HDAC9: variants seen among roughly 807,000 people sequenced by gnomAD.
HDAC9 encodes the protein MEF-2 interacting transcription repressor (MITR) protein.
HDAC9 carries 41 observed loss-of-function variants against 139.4 expected under a neutral mutation model. The ratio of observed to expected loss-of-function variants is 0.29; its 90% CI spans 0.23 to 0.38. The LOEUF (loss-of-function observed/expected upper bound fraction) is 0.38. Ranked by LOEUF, HDAC9 falls within the 10% of genes least tolerant of loss-of-function variation. HDAC9 has a pLI of 1.00. For missense variants in HDAC9, 1,147 were observed against 1,297.0 expected (o/e 0.88, Z 1.78); for synonymous variants, 517 against 476.2 (o/e 1.09, Z -1.12).
intron 1 of HDAC9, among the ~76,000 whole-genome samples, chr7:18,111,902 A>G (rs1783644867): frequency 6.6e-6 from 1 of 152,186 alleles, no homozygotes; most frequent in South Asian, 2.1e-4. Context: ...GTGTATGTAC[A>G]AGCTGTATTT....
At chr7:18,333,789 T>C (rs773467410) in intron 1 of HDAC9, among the ~76,000 whole-genome samples, 3 of 151,440 alleles carry the variant, frequency 2.0e-5, no homozygotes, top group Non-Finnish European at 3.0e-5. Flanking sequence ...AAATATAAAG[T>C]TAAAGAATCA....
intron 8 of HDAC9, among the ~76,000 whole-genome samples, chr7:18,640,617 G>C (rs1228367011): frequency 6.6e-6 from 1 of 151,114 alleles, no homozygotes; most frequent in African/African-American, 2.4e-5. Context: ...CCGTGTTCTT[G>C]TTTATATGAA....
chr7:18,744,798 C>G (rs1037424181), intron 13 of HDAC9, among the ~76,000 whole-genome samples: 1 of 151,946 alleles, frequency 6.6e-6, no homozygotes, highest in Admixed American at 6.6e-5. Context: ...AGAGAAAGCA[C>G]AAAGTCCAAG....
intron 1 of HDAC9, among the ~76,000 whole-genome samples, chr7:18,312,048 G>A (rs992778691): frequency 2.6e-5 from 4 of 152,170 alleles, no homozygotes; most frequent in Non-Finnish European, 4.4e-5. Flanking sequence ...GGTGAATGAG[G>A]AGAGGACAAA....
At chr7:18,091,553 A>G (rs2128058690) in intron 1 of HDAC9, among the ~76,000 whole-genome samples, 1 of 152,336 alleles carries the variant, frequency 6.6e-6, no homozygotes, top group East Asian at 1.9e-4. Context: ...TAAGCATCAA[A>G]TAAATTTATT....
At chr7:18,097,402 A>G (rs192909362) in intron 1 of HDAC9, among the ~76,000 whole-genome samples, 11 of 149,192 alleles carry the variant, frequency 7.4e-5, no homozygotes, top group African/African-American at 2.7e-4. Context: ...GTATTTCATC[A>G]TTTCCTTATT....
chr7:18,776,493 C>T (rs1790777024), intron 16 of HDAC9, among the ~76,000 whole-genome samples: 1 of 152,038 alleles, frequency 6.6e-6, no homozygotes, highest in Non-Finnish European at 1.5e-5. Flanking sequence ...ACTGCAAATA[C>T]AGTACTGAAC....
chr7:18,540,008 A>T (rs935646099), intron 2 of HDAC9, among the ~76,000 whole-genome samples: 6 of 151,516 alleles, frequency 4.0e-5, no homozygotes, highest in African/African-American at 1.5e-4. Flanking sequence ...CTGTAATCCC[A>T]GCACCTTGGG....
At chr7:18,668,534 A>G in intron 12 of HDAC9, 1 of 980,254 alleles carries the variant, frequency 1.0e-6, no homozygotes, top group Non-Finnish European at 1.2e-6. Context: ...TCACAAACAA[A>G]AAAAACTATT....
Position 18,585,365 on chromosome 7 carries a change from T to C in HDAC9, c.107T>C (p.Val36Ala), listed in dbSNP as rs1369445337. 2 of 1,613,682 alleles carry C rather than the reference T, an allele frequency of 1.2e-6. No homozygotes were observed. Among genetic ancestry groups the C allele is most frequent in the African/African-American group, 2.7e-5 (2 of 74,862 alleles). ...LRTDLRMMMP[V>A]VDPVVREKQL... ...ACAGACCTCAGGATGATGATGCCCG[T>C]GGTGGACCCTGTTGTCCGTGAGAAG... Residue 36 changes from valine (V) to alanine (A), a missense_variant, in exon 3 of 26, where the codon GTG (valine) becomes GCG (alanine). Val to Ala is a moderately conservative substitution (Grantham distance 64). Coordinates refer to ENST00000686413, the MANE Select transcript of HDAC9 (RefSeq NM_178425.4).
At chr7:18,469,478 A>G (rs1227447062) in intron 1 of HDAC9, among the ~76,000 whole-genome samples, 1 of 152,014 alleles carries the variant, frequency 6.6e-6, no homozygotes, top group Non-Finnish European at 1.5e-5. Context: ...CATTAACGAG[A>G]AAAAAAAGCA....
chr7:18,118,223 AT>A (rs1462815298), intron 1 of HDAC9, among the ~76,000 whole-genome samples: 1 of 152,202 alleles, frequency 6.6e-6, no homozygotes, highest in Non-Finnish European at 1.5e-5. Context: ...TCTCTATGAC[AT>A]CTTGCTTTCT....
At chr7:18,238,458 G>A (rs967230344) in intron 2 of HDAC9, among the ~76,000 whole-genome samples, 2 of 152,162 alleles carry the variant, frequency 1.3e-5, no homozygotes, top group Non-Finnish European at 2.9e-5. Context: ...TAGCGTAGTG[G>A]GAGGTTCCTC....
chr7:18,520,137 T>C (rs1263413747), intron 2 of HDAC9, among the ~76,000 whole-genome samples: 2 of 152,124 alleles, frequency 1.3e-5, no homozygotes, highest in South Asian at 2.1e-4. Context: ...TATATCAGTA[T>C]GTTTATTAAT....
rs551459958 is a variant in HDAC9 at position 18,985,246 on chromosome 7, A to G, written c.3170+9293A>G. On this transcript the variant is annotated intron_variant, in intron 25 of 25. Coordinates refer to ENST00000686413, the MANE Select transcript of HDAC9 (RefSeq NM_178425.4). ...CCCCCAACCCCACAACAGACCCCAG[A>G]GTGCGATGTTCCCCTTCCTGTGTCC... Among the ~76,000 whole-genome samples, 3 of 151,700 alleles carry G rather than the reference A, an allele frequency of 2.0e-5. No homozygotes were observed. The South Asian group carries it at 6.3e-4, about 32-fold the overall frequency.
chr7:18,457,352 A>G (rs1219767330), intron 1 of HDAC9, among the ~76,000 whole-genome samples: 3 of 152,204 alleles, frequency 2.0e-5, no homozygotes, highest in Non-Finnish European at 4.4e-5. Flanking sequence ...TGAAAGGGAA[A>G]TTGCTTCAGT....
intron 2 of HDAC9, among the ~76,000 whole-genome samples, chr7:18,175,397 C>T (rs1788806105): frequency 6.6e-6 from 1 of 152,206 alleles, no homozygotes; most frequent in Admixed American, 6.5e-5. Context: ...GGGAATTCCC[C>T]AACTCCTTGC....
intron 6 of HDAC9, among the ~76,000 whole-genome samples, chr7:18,608,563 A>G (rs1052645730): frequency 6.6e-6 from 1 of 152,112 alleles, no homozygotes; most frequent in African/African-American, 2.4e-5. Context: ...CACTTCCCTT[A>G]TCTGTATTCT....
chr7:18,639,615 T>C (rs780863944), intron 8 of HDAC9, among the ~76,000 whole-genome samples: 23 of 152,076 alleles, frequency 1.5e-4, no homozygotes, highest in Non-Finnish European at 2.5e-4. Flanking sequence ...ATGAGCTATC[T>C]GAAAGAAGAG....
Sources: allele counts gnomAD v4.1 joint callset (sites outside exome capture counted in the v4.1 genomes callset), GRCh38; gene constraint gnomAD v4.1.1; transcripts MANE v1.5; gene names NCBI Gene and HGNC (gene_info 2026-07-23, HGNC 2026-07-21).